The following MYO9A variants were observed in gnomAD, a reference collection of about 807,000 sequenced individuals.
The protein encoded by MYO9A is myosin IXA.
In MYO9A, 103 loss-of-function variants were observed where a neutral mutation model predicts 293.3. That is an observed-to-expected ratio of 0.35 (90% CI 0.30 to 0.41). The LOEUF is 0.41. MYO9A is among the 10% of genes least tolerant of loss of function. MYO9A has a pLI of 1.00. For synonymous variants in MYO9A, 1,001 were observed against 1,035.7 expected (o/e 0.97, Z 0.64); for missense variants, 2,685 against 3,033.0 (o/e 0.89, Z 2.69).
intron 15 of MYO9A, 140 bp from the exon 16 acceptor site, chr15:71,939,067 C>A: frequency 1.7e-6 from 1 of 596,708 alleles, no homozygotes; most frequent in East Asian, 2.9e-5. Flanking sequence ...ATTACATGAC[C>A]CAAGTCTCAT....
chr15:72,059,123 C>T (rs1304256730), intron 1 of MYO9A, among the ~76,000 whole-genome samples: 1 of 152,144 alleles, frequency 6.6e-6, no homozygotes, highest in African/African-American at 2.4e-5. Flanking sequence ...CTTTCTCCTC[C>T]AAGGTATTTG....
chr15:71,995,294 C>T (rs1225194677), intron 9 of MYO9A, among the ~76,000 whole-genome samples: 1 of 152,090 alleles, frequency 6.6e-6, no homozygotes, highest in African/African-American at 2.4e-5. Context: ...CTGTGGAATC[C>T]TAATCACCCT....
At chr15:71,828,164 T>G (rs1206064948) in intron 40 of MYO9A, 138 bp from the exon 41 acceptor site, 2 of 951,716 alleles carry the variant, frequency 2.1e-6, no homozygotes, top group Non-Finnish European at 3.1e-6. Context: ...CAGGTGGTGA[T>G]GAGGACCTGT....
At position 71,881,458 on chromosome 15, in the gene MYO9A, A is replaced by C. The variant is rs557013548; in HGVS notation, c.5399-900T>G. Among the ~76,000 whole-genome samples the C allele has an allele frequency of 2.6e-5, 4 of 152,272 alleles. No individual in the cohort carries two copies. The East Asian group carries it at 7.7e-4, about 29-fold the overall frequency. On this transcript the variant is annotated intron_variant, in intron 28 of 41. Coordinates refer to ENST00000356056, the MANE Select transcript of MYO9A (RefSeq NM_006901.4). ...TACCACCTCAGGCAGGAATTGAGAGAAACCCAATTTCAACTATGACACAAG... is the reference window on the plus strand; with the variant it reads ...TACCACCTCAGGCAGGAATTGAGAGCAACCCAATTTCAACTATGACACAAG...
chr15:71,906,989 A>T (rs1369338812), intron 19 of MYO9A, among the ~76,000 whole-genome samples: 3 of 148,870 alleles, frequency 2.0e-5, no homozygotes, highest in East Asian at 2.0e-4. Context: ...CATGTGCACA[A>T]TGTGCAGGTT....
At chr15:71,852,662 C>T (rs979188164) in intron 35 of MYO9A, among the ~76,000 whole-genome samples, 32 of 152,144 alleles carry the variant, frequency 2.1e-4, no homozygotes, top group Non-Finnish European at 3.8e-4. Context: ...CATGCCCGGC[C>T]GGCTTCATGT....
intron 1 of MYO9A, among the ~76,000 whole-genome samples, chr15:72,108,762 A>ATTT (rs3028363): frequency 0.034 from 4,787 of 139,192 alleles, 253 homozygotes; most frequent in Non-Finnish European, 0.051. Flanking sequence ...TGACACATAC[A>ATTT]TTTTTTTTTT....
At chr15:71,997,929 T>G (rs1257259165) in intron 9 of MYO9A, among the ~76,000 whole-genome samples, 2 of 152,174 alleles carry the variant, frequency 1.3e-5, no homozygotes, top group Non-Finnish European at 2.9e-5. Flanking sequence ...CTCAAGGACC[T>G]AAAAGTAAAA....
intron 11 of MYO9A, among the ~76,000 whole-genome samples, chr15:71,979,578 G>A (rs1244988431): frequency 4.6e-5 from 7 of 152,072 alleles, no homozygotes; most frequent in South Asian, 2.1e-4. Context: ...ATGTTTCAGA[G>A]ACACAACCAT....
chr15:72,094,840 T>C (rs1396301973), intron 1 of MYO9A, among the ~76,000 whole-genome samples: 1 of 92,010 alleles, frequency 1.1e-5, no homozygotes, highest in African/African-American at 2.6e-5. Context: ...ATTATATCTG[T>C]TATGGTGATC....
At chr15:72,083,274 A>G (rs2079610189) in intron 1 of MYO9A, among the ~76,000 whole-genome samples, 1 of 152,034 alleles carries the variant, frequency 6.6e-6, no homozygotes, top group South Asian at 2.1e-4. Context: ...AGGAATTTAT[A>G]CATTTCTTCT....
chr15:71,831,097 T>TA (rs906290022), intron 39 of MYO9A, among the ~76,000 whole-genome samples: 2 of 151,116 alleles, frequency 1.3e-5, no homozygotes, highest in African/African-American at 4.9e-5. Flanking sequence ...CAACATATGC[T>TA]AGAAGGCACT....
At chr15:71,857,692 T>C (rs1442183069) in intron 34 of MYO9A, among the ~76,000 whole-genome samples, 1 of 152,176 alleles carries the variant, frequency 6.6e-6, no homozygotes, top group East Asian at 1.9e-4. Flanking sequence ...GACAGTTTTT[T>C]TTTTTGCACT....
At chr15:71,924,144 A>G (rs1039226635) in intron 18 of MYO9A, among the ~76,000 whole-genome samples, 3 of 152,052 alleles carry the variant, frequency 2.0e-5, no homozygotes, top group Non-Finnish European at 4.4e-5. Context: ...CTATTTGCAT[A>G]TAGTTTCTAA....
intron 1 of MYO9A, among the ~76,000 whole-genome samples, chr15:72,071,393 A>ATTGCC (rs2150174849): frequency 6.6e-6 from 1 of 152,340 alleles, no homozygotes; most frequent in Non-Finnish European, 1.5e-5. Flanking sequence ...TCAAAAAAAT[A>ATTGCC]AGAGATGTTG....
intron 15 of MYO9A, among the ~76,000 whole-genome samples, chr15:71,949,321 G>A (rs1267470300): frequency 6.6e-6 from 1 of 151,926 alleles, no homozygotes; most frequent in Non-Finnish European, 1.5e-5. Context: ...TTGTGCTTCA[G>A]CCACACGAGG....
intron 11 of MYO9A, among the ~76,000 whole-genome samples, chr15:71,986,735 GTGTT>G (rs2076416500): frequency 6.6e-6 from 1 of 152,180 alleles, no homozygotes; most frequent in South Asian, 2.1e-4. Flanking sequence ...GCTGTACAAT[GTGTT>G]TGTGTTTTAA....
chr15:71,961,690 A>G (rs1185203646), intron 13 of MYO9A, among the ~76,000 whole-genome samples: 2 of 152,148 alleles, frequency 1.3e-5, no homozygotes, highest in Non-Finnish European at 2.9e-5. Context: ...CTGGAGTGCT[A>G]GGGAGATTTC....
Position 71,899,894 on chromosome 15 carries a change from T to C in MYO9A, c.3263A>G (p.His1088Arg). The C allele has an allele frequency of 6.2e-7, 1 of 1,614,072 alleles. No individual in the cohort carries two copies. Residue 1088 changes from histidine (H) to arginine (R), a missense_variant, in exon 24 of 42, where the codon CAC (histidine) becomes CGC (arginine). Physicochemically the swap from His to Arg is conservative, Grantham distance 29 (BLOSUM62 0). This residue lies in a region of MYO9A where 1,434 missense variants were observed against 1,497.7 expected (regional missense o/e 0.96). Transcript: ENST00000356056. ...AALLQASWRA[H>R]LERQRYLELR... The stretch of plus-strand genomic sequence containing the variant: ...CTCCAAGTACCGCTGCCTCTCTAAG[T>C]GAGCACGCCAGGAAGCTTGGAGAAG...
Sources: allele counts gnomAD v4.1 joint callset (sites outside exome capture counted in the v4.1 genomes callset), GRCh38; gene constraint gnomAD v4.1.1; regional missense constraint gnomAD v4.1.1; transcripts MANE v1.5; gene names NCBI Gene and HGNC (gene_info 2026-07-23, HGNC 2026-07-21).